PTPRS: variants seen among roughly 807,000 people sequenced by gnomAD.
The protein encoded by PTPRS is protein tyrosine phosphatase receptor type S.
In PTPRS, 63 loss-of-function variants were observed where a neutral mutation model predicts 215.3. That is an observed-to-expected ratio of 0.29 (90% CI 0.24 to 0.36). PTPRS has a LOEUF of 0.36. Ranked by LOEUF, PTPRS falls within the 10% of genes least tolerant of loss-of-function variation. PTPRS has a pLI of 1.00. For synonymous variants in PTPRS, 1,404 were observed against 1,191.4 expected (o/e 1.18, Z -3.68); for missense variants, 2,258 against 2,825.8 (o/e 0.80, Z 4.56).
At chr19:5,314,296 C>T (rs1319859793) in intron 1 of PTPRS, among the ~76,000 whole-genome samples, 1 of 152,206 alleles carries the variant, frequency 6.6e-6, no homozygotes, top group Non-Finnish European at 1.5e-5. Flanking sequence ...TCATGCTGAG[C>T]AGCACGAACT....
At chr19:5,306,953 C>G (rs144796399) in intron 1 of PTPRS, among the ~76,000 whole-genome samples, 1 of 152,184 alleles carries the variant, frequency 6.6e-6, no homozygotes, top group Non-Finnish European at 1.5e-5. Context: ...AAAGTACTCA[C>G]GGCAAAAGGC....
At chr19:5,336,924 C>A (rs1406919964) in intron 1 of PTPRS, among the ~76,000 whole-genome samples, 1 of 152,166 alleles carries the variant, frequency 6.6e-6, no homozygotes, top group Non-Finnish European at 1.5e-5. Context: ...ATCCTCCTTG[C>A]AAATTCTAAG....
At position 5,257,010 on chromosome 19, in the gene PTPRS, G is replaced by A. The variant is rs556449180; in HGVS notation, c.707-891C>T. 1.1e-4 allele frequency among the ~76,000 whole-genome samples: 16 copies of A among 151,920 alleles called. No homozygotes were observed. The East Asian group carries it at 2.3e-3, about 22-fold the overall frequency. On this transcript the variant is annotated intron_variant, in intron 8 of 37. Transcript: ENST00000262963. The surrounding 1 kb of genome is among the most constrained non-coding windows in gnomAD (Gnocchi z 4.4). ...CAGCGCTAACTGGGGCAGCCCTAGG[G>A]ATTGAAGGGCGCCCTGGCATCCTGG...
chr19:5,334,197 T>C (rs982533501), intron 1 of PTPRS, among the ~76,000 whole-genome samples: 2 of 152,242 alleles, frequency 1.3e-5, no homozygotes, highest in African/African-American at 4.8e-5. Context: ...TTGCAGTGGC[T>C]GAGTCATCCT....
chr19:5,252,988 T>C (rs1464270795), intron 9 of PTPRS, among the ~76,000 whole-genome samples: 3 of 152,052 alleles, frequency 2.0e-5, no homozygotes, highest in Admixed American at 6.6e-5. Context: ...ATGGGTCCTG[T>C]GCACTACGTT....
chr19:5,219,898 G>A, intron 22 of PTPRS, 41 bp downstream of exon 22: 1 of 1,596,280 alleles, frequency 6.3e-7, no homozygotes, highest in Non-Finnish European at 8.6e-7. Context: ...GCCTCATTCA[G>A]AGGTGTGTCT....
At chr19:5,219,572 T>C in intron 22 of PTPRS, 105 bp from the exon 23 acceptor site, 1 of 1,338,412 alleles carries the variant, frequency 7.5e-7, no homozygotes. Context: ...CTCTAGATCC[T>C]CCTATATTCC....
intron 30 of PTPRS, among the ~76,000 whole-genome samples, chr19:5,212,797 G>C (rs8103385): frequency 0.83 from 125,429 of 150,936 alleles, 52,719 homozygotes; most frequent in African/African-American, 0.96. Flanking sequence ...GAGCTGAGAT[G>C]GCGCCACTGT....
intron 1 of PTPRS, among the ~76,000 whole-genome samples, chr19:5,317,411 G>A (rs2049907162): frequency 6.6e-6 from 1 of 152,176 alleles, no homozygotes. Flanking sequence ...GGTGGAGGTT[G>A]CAGTGAGTCG....
intron 1 of PTPRS, among the ~76,000 whole-genome samples, chr19:5,314,986 G>A (rs1311915330): frequency 6.6e-6 from 1 of 152,184 alleles, no homozygotes; most frequent in Non-Finnish European, 1.5e-5. Context: ...TGCATTTAGC[G>A]AGCACCTACT....
At chr19:5,263,640 C>T (rs2046187043) in intron 5 of PTPRS, among the ~76,000 whole-genome samples, 7 of 152,226 alleles carry the variant, frequency 4.6e-5, no homozygotes, top group Admixed American at 4.6e-4. Flanking sequence ...ATCCGTGACA[C>T]AGACAAACAC....
At chr19:5,234,703 G>A (rs368588442) in intron 13 of PTPRS, among the ~76,000 whole-genome samples, 1 of 151,828 alleles carries the variant, frequency 6.6e-6, no homozygotes, top group South Asian at 2.1e-4. Context: ...TGTGCTAAGG[G>A]CTGTATCAGA....
At chr19:5,245,642 C>A in intron 10 of PTPRS, 134 bp downstream of exon 10, 2 of 1,323,166 alleles carry the variant, frequency 1.5e-6, no homozygotes, top group Non-Finnish European at 2.0e-6. Flanking sequence ...ACAACCGTCC[C>A]CTTCCTAGCC....
intron 9 of PTPRS, 118 bp downstream of exon 9, chr19:5,255,990 C>A: frequency 1.9e-5 from 12 of 616,926 alleles, no homozygotes; most frequent in Admixed American, 4.2e-5. Context: ...TATTTTTTTT[C>A]CGTGTGTGTG....
At chr19:5,269,252 CGT>C (rs1406733347) in intron 4 of PTPRS, among the ~76,000 whole-genome samples, 2 of 152,066 alleles carry the variant, frequency 1.3e-5, no homozygotes, top group African/African-American at 4.8e-5. Context: ...TCCCCATAAG[CGT>C]GTGTGGACAG....
chr19:5,296,842 G>A (rs1469695863), intron 1 of PTPRS, among the ~76,000 whole-genome samples: 1 of 152,124 alleles, frequency 6.6e-6, no homozygotes, highest in East Asian at 1.9e-4. Flanking sequence ...GTAGAGGAAG[G>A]CCCTGACTCA....
chr19:5,233,809 G>T (rs2043203754), intron 13 of PTPRS, among the ~76,000 whole-genome samples: 1 of 151,472 alleles, frequency 6.6e-6, no homozygotes, highest in South Asian at 2.1e-4. Context: ...AGCCGGGCAT[G>T]GTGGCGGGAG....
chr19:5,273,742 G>A (rs756394670), intron 3 of PTPRS, among the ~76,000 whole-genome samples, 159 bp from the exon 4 acceptor site: 1 of 152,114 alleles, frequency 6.6e-6, no homozygotes. Context: ...CACGTGTGTC[G>A]GTGTCCAGTA....
chr19:5,268,605 CGA>C (rs2046631601), intron 4 of PTPRS, among the ~76,000 whole-genome samples: 1 of 152,024 alleles, frequency 6.6e-6, no homozygotes, highest in African/African-American at 2.4e-5. Context: ...CCCAGGATTA[CGA>C]GAGAGCGGCA....
Sources: gnomAD v4.1 joint callset for allele counts (sites outside exome capture counted in the v4.1 genomes callset) on GRCh38, gnomAD v4.1.1 for gene constraint, Gnocchi (gnomAD v3.1) non-coding constraint, MANE v1.5 for transcripts, NCBI Gene and HGNC (gene_info 2026-07-23, HGNC 2026-07-21) for gene names.